Variants in RPTOR observed in about 807,000 individuals in gnomAD.
The protein encoded by RPTOR is regulatory-associated protein of mTOR.
Under a neutral mutation model 169.9 loss-of-function variants are expected in RPTOR, and 21 were observed. The observed-to-expected ratio is 0.12, with a 90% CI of 0.09 to 0.18. The LOEUF is 0.18. Ranked by LOEUF, RPTOR falls within the 10% of genes least tolerant of loss-of-function variation. The pLI is 1.00. For synonymous variants in RPTOR, 732 were observed against 753.2 expected (o/e 0.97, Z 0.46); for missense variants, 1,133 against 1,855.9 (o/e 0.61, Z 7.16).
chr17:80,927,673 A>ATGTGTGTGTGTATCTC (rs2143996422), intron 24 of RPTOR, among the ~76,000 whole-genome samples: 1 of 139,176 alleles, frequency 7.2e-6, no homozygotes, highest in East Asian at 2.1e-4. Flanking sequence ...TGTCTGTGTG[A>ATGTGTGTGTGTATCTC]TGTGTGTGTG....
intron 1 of RPTOR, among the ~76,000 whole-genome samples, chr17:80,553,704 T>C (rs1008166232): frequency 6.6e-6 from 1 of 152,086 alleles, no homozygotes; most frequent in Non-Finnish European, 1.5e-5. Context: ...TGGATTTTAA[T>C]GTAATAGGGT....
chr17:80,723,049 A>G (rs992168750), intron 4 of RPTOR, among the ~76,000 whole-genome samples: 4 of 151,236 alleles, frequency 2.6e-5, no homozygotes, highest in Non-Finnish European at 5.9e-5. Flanking sequence ...TCATGATGAG[A>G]TTGAGGATCA....
At chr17:80,755,264 A>G (rs2066668944) in intron 6 of RPTOR, among the ~76,000 whole-genome samples, 1 of 152,168 alleles carries the variant, frequency 6.6e-6, no homozygotes. Context: ...CCATTCAGGG[A>G]GAGACCTCCT....
chr17:80,865,687 A>G (rs1279968823), intron 13 of RPTOR, among the ~76,000 whole-genome samples: 1 of 152,118 alleles, frequency 6.6e-6, no homozygotes, highest in African/African-American at 2.4e-5. Flanking sequence ...GAGGAGAAGT[A>G]GATAAATCCG....
intron 3 of RPTOR, among the ~76,000 whole-genome samples, chr17:80,671,674 G>A (rs2065823063): frequency 6.6e-6 from 1 of 152,124 alleles, no homozygotes; most frequent in South Asian, 2.1e-4. Flanking sequence ...GGGGCTTACT[G>A]GAGAAGTGAG....
intron 30 of RPTOR, 143 bp from the exon 31 acceptor site, chr17:80,961,251 A>G: frequency 1.4e-6 from 1 of 695,820 alleles, no homozygotes; most frequent in South Asian, 1.9e-5. Context: ...CTGCGTGAGC[A>G]CTAGCCCCTC....
At chr17:80,792,791 T>C (rs572591254) in intron 7 of RPTOR, among the ~76,000 whole-genome samples, 11 of 152,170 alleles carry the variant, frequency 7.2e-5, no homozygotes, top group Non-Finnish European at 1.5e-4. Flanking sequence ...ATCTGTTTAC[T>C]GGTATTGCTG....
chr17:80,842,851 T>C (rs1474549652), intron 10 of RPTOR, among the ~76,000 whole-genome samples: 24 of 152,172 alleles, frequency 1.6e-4, no homozygotes, highest in Admixed American at 1.6e-3. Flanking sequence ...GGCTTACTGG[T>C]GGTGTTTGCA....
intron 2 of RPTOR, among the ~76,000 whole-genome samples, chr17:80,643,256 A>G (rs549054706): frequency 6.6e-6 from 1 of 152,086 alleles, no homozygotes; most frequent in South Asian, 2.1e-4. Context: ...TGTGAAACGG[A>G]TTTTTTTTGT....
At chr17:80,674,266 A>G (rs913706444) in intron 3 of RPTOR, among the ~76,000 whole-genome samples, 1 of 152,204 alleles carries the variant, frequency 6.6e-6, no homozygotes, top group Admixed American at 6.5e-5. Context: ...TTGGGGCAAA[A>G]TGTTTTTTGA....
chr17:80,598,752 CACCGGACA>C (rs1164355271), intron 1 of RPTOR, among the ~76,000 whole-genome samples: 2 of 152,194 alleles, frequency 1.3e-5, no homozygotes, highest in African/African-American at 4.8e-5. Flanking sequence ...ATGTGAAAGG[CACCGGACA>C]TGAAGCTGAT....
chr17:80,583,623 C>G (rs970389547), intron 1 of RPTOR, among the ~76,000 whole-genome samples: 6 of 152,168 alleles, frequency 3.9e-5, no homozygotes, highest in Non-Finnish European at 8.8e-5. Flanking sequence ...CCGCCTCTTG[C>G]CTTCAGTCTT....
chr17:80,660,226 G>A (rs141600781), intron 3 of RPTOR, among the ~76,000 whole-genome samples: 2,891 of 148,252 alleles, frequency 0.02, 99 homozygotes, highest in African/African-American at 0.069. Flanking sequence ...AGCCGAGATC[G>A]CACCACTGCA....
intron 5 of RPTOR, among the ~76,000 whole-genome samples, chr17:80,744,449 T>A (rs147853104): frequency 0.096 from 719 of 7,472 alleles, 6 homozygotes; most frequent in East Asian, 0.22. Context: ...CTACTAGCAC[T>A]GTCCTGGTTA....
chr17:80,742,579 G>T (rs1402090874), intron 5 of RPTOR, among the ~76,000 whole-genome samples: 1 of 149,356 alleles, frequency 6.7e-6, no homozygotes, highest in East Asian at 2.0e-4. Flanking sequence ...CACACACATA[G>T]ACATATATGC....
chr17:80,773,158 C>T (rs7221492), intron 6 of RPTOR, among the ~76,000 whole-genome samples: 1 of 152,144 alleles, frequency 6.6e-6, no homozygotes, highest in African/African-American at 2.4e-5. Context: ...GCCAGTGACA[C>T]AGGGCTGCCC....
At chr17:80,618,781 A>T (rs1484554171) in intron 1 of RPTOR, among the ~76,000 whole-genome samples, 1 of 152,278 alleles carries the variant, frequency 6.6e-6, no homozygotes, top group Non-Finnish European at 1.5e-5. Flanking sequence ...ACAAAGGAAT[A>T]TAAAAATAGA....
intron 4 of RPTOR, among the ~76,000 whole-genome samples, chr17:80,714,048 C>T (rs1598249223): frequency 6.6e-6 from 1 of 152,112 alleles, no homozygotes; most frequent in Non-Finnish European, 1.5e-5. Flanking sequence ...AAGCTATTCT[C>T]CTGCCTCAGC....
chr17:80,738,271 G>A (rs9915755), intron 5 of RPTOR, among the ~76,000 whole-genome samples: 33,069 of 152,162 alleles, frequency 0.22, 3,642 homozygotes, highest in African/African-American at 0.22. Context: ...CACAGTTGGT[G>A]GGACATTTGT....
Sources: allele counts gnomAD v4.1 joint callset (sites outside exome capture counted in the v4.1 genomes callset), GRCh38; gene constraint gnomAD v4.1.1; transcripts MANE v1.5; gene names NCBI Gene and HGNC (gene_info 2026-07-23, HGNC 2026-07-21).